LSAMP: variants seen among roughly 807,000 people sequenced by gnomAD.
LSAMP encodes the protein limbic system associated membrane protein, also known as limbic system-associated membrane protein.
In LSAMP, 7 loss-of-function variants were observed where a neutral mutation model predicts 38.6. That is an observed-to-expected ratio of 0.18 (90% CI 0.10 to 0.34). The LOEUF (loss-of-function observed/expected upper bound fraction) is 0.34, where lower values mean the gene tolerates loss of function less well. Ranked by LOEUF, LSAMP falls within the 10% of genes least tolerant of loss-of-function variation. The probability of loss-of-function intolerance (pLI) is 1.00; values close to 1 mark genes in which losing one functional copy is unlikely to be tolerated. For synonymous variants in LSAMP, 154 were observed against 166.8 expected, an observed-to-expected ratio of 0.92 and a Z score of 0.59; for missense variants, 313 against 420.0, an observed-to-expected ratio of 0.75 and a Z score of 2.23.
chr3:116,133,771 T>C (rs566416168), intron 1 of LSAMP, among the ~76,000 whole-genome samples: 2 of 152,338 alleles, frequency 1.3e-5, no homozygotes, highest in South Asian at 4.1e-4. Context: ...AATAGCATTT[T>C]TGAATGAACT....
chr3:116,113,289 CTT>C (rs71973941), intron 1 of LSAMP, among the ~76,000 whole-genome samples: 10,862 of 150,850 alleles, frequency 0.072, 1,251 homozygotes, highest in African/African-American at 0.25. Context: ...CATTCTCTCT[CTT>C]TATCCCAAGT....
At chr3:115,861,516 C>A (rs146775813) in intron 3 of LSAMP, among the ~76,000 whole-genome samples, 53 of 122,998 alleles carry the variant, frequency 4.3e-4, no homozygotes, top group African/African-American at 1.5e-3. Context: ...GGCACTGTCC[C>A]CCTGGCGGTA....
chr3:115,909,529 A>T (rs1023488719), intron 3 of LSAMP, among the ~76,000 whole-genome samples: 14 of 152,216 alleles, frequency 9.2e-5, no homozygotes, highest in African/African-American at 2.9e-4. Flanking sequence ...TGCTTCTTCC[A>T]ATCCCCGTCC....
intron 3 of LSAMP, among the ~76,000 whole-genome samples, chr3:115,929,259 C>T (rs9844674): frequency 0.055 from 8,333 of 151,770 alleles, 710 homozygotes; most frequent in African/African-American, 0.19. Context: ...AAAACAAAAC[C>T]CCACCTTAAT....
At chr3:116,095,771 T>A (rs966600117) in intron 1 of LSAMP, among the ~76,000 whole-genome samples, 2 of 152,208 alleles carry the variant, frequency 1.3e-5, no homozygotes, top group African/African-American at 4.8e-5. Context: ...TCCAAGAGTC[T>A]GGATCACGTC....
intron 1 of LSAMP, among the ~76,000 whole-genome samples, chr3:116,402,305 T>C (rs1001560124): frequency 1.3e-5 from 2 of 152,216 alleles, no homozygotes; most frequent in African/African-American, 2.4e-5. Flanking sequence ...TCACTTTTCA[T>C]TTAAGAAAGA....
intron 1 of LSAMP, among the ~76,000 whole-genome samples, chr3:116,180,303 C>A (rs1392152594): frequency 9.2e-5 from 14 of 151,448 alleles, no homozygotes; most frequent in Admixed American, 9.2e-4. Flanking sequence ...GAAAGACACA[C>A]AAAATACAAG....
At chr3:116,042,943 A>C (rs1308604819) in intron 2 of LSAMP, among the ~76,000 whole-genome samples, 1 of 152,152 alleles carries the variant, frequency 6.6e-6, no homozygotes, top group Non-Finnish European at 1.5e-5. Context: ...TTTATCGCTC[A>C]ATCTATCCCT....
chr3:115,931,091 A>C (rs1937573379), intron 3 of LSAMP, among the ~76,000 whole-genome samples: 1 of 152,140 alleles, frequency 6.6e-6, no homozygotes, highest in South Asian at 2.1e-4. Flanking sequence ...TATTCTAAAT[A>C]TATCACTGCC....
chr3:115,960,637 A>G (rs979117724), intron 3 of LSAMP, among the ~76,000 whole-genome samples: 3 of 152,098 alleles, frequency 2.0e-5, no homozygotes, highest in Non-Finnish European at 2.9e-5. Flanking sequence ...AGCAATTGTA[A>G]TGGCCTCTCT....
chr3:115,887,726 T>G (rs531432909), intron 3 of LSAMP, among the ~76,000 whole-genome samples: 1 of 151,826 alleles, frequency 6.6e-6, no homozygotes, highest in Non-Finnish European at 1.5e-5. Context: ...TGGGTATCTA[T>G]ATATATCCAC....
At chr3:116,385,102 G>GA (rs11450064) in intron 1 of LSAMP, among the ~76,000 whole-genome samples, 27,985 of 142,986 alleles carry the variant, frequency 0.2, 2,972 homozygotes, top group African/African-American at 0.3. Context: ...AAGAAGGAAT[G>GA]AAAAAAAAAA....
intron 3 of LSAMP, among the ~76,000 whole-genome samples, chr3:115,871,810 A>T (rs1006272686): frequency 6.6e-6 from 1 of 152,128 alleles, no homozygotes; most frequent in African/African-American, 2.4e-5. Flanking sequence ...ATACCATCTG[A>T]GTTATACAAG....
intron 3 of LSAMP, among the ~76,000 whole-genome samples, chr3:115,911,264 G>A (rs774520759): frequency 9.1e-4 from 139 of 152,286 alleles, no homozygotes; most frequent in Non-Finnish European, 1.5e-3. Flanking sequence ...TGGAATGGAT[G>A]TACCACAGTT....
intron 1 of LSAMP, among the ~76,000 whole-genome samples, chr3:116,406,431 A>G (rs534781637): frequency 6.6e-6 from 1 of 152,222 alleles, no homozygotes; most frequent in South Asian, 2.1e-4. Context: ...TTCAGGAGGC[A>G]TGATATAATT....
intron 1 of LSAMP, among the ~76,000 whole-genome samples, chr3:116,392,060 T>G (rs1487107089): frequency 6.6e-6 from 1 of 152,068 alleles, no homozygotes; most frequent in Non-Finnish European, 1.5e-5. Context: ...TGGAAAGAAA[T>G]TGCGGAGATA....
rs1444715612 is a variant in LSAMP, at chr3:115,806,219, A to C, written c.*4098T>G. On this transcript the variant is annotated 3_prime_UTR_variant, in exon 7 of 7. Transcript: ENST00000490035. ...TACGTGAGCATAGATTTTCTTTCTAAACAACCAAATTCAGTACTTTTCTTC... is the reference window on the plus strand; with the variant it reads ...TACGTGAGCATAGATTTTCTTTCTACACAACCAAATTCAGTACTTTTCTTC... 1 of 152,228 alleles carries C rather than the reference A, an allele frequency of 6.6e-6. No homozygotes were observed. The highest frequency in any genetic ancestry group is 1.5e-5 in the Non-Finnish European group (1 of 68,046). The allele number at this position is 152,228 out of a possible 1,614,324, so 9.4% of individuals were successfully genotyped here.
intron 1 of LSAMP, among the ~76,000 whole-genome samples, chr3:116,148,116 CTTT>C (rs59321353): frequency 7.0e-6 from 1 of 142,038 alleles, no homozygotes; most frequent in South Asian, 2.2e-4. Context: ...AAAACATGTG[CTTT>C]TTTTTTTTTT....
chr3:116,116,824 C>T (rs536612303), intron 1 of LSAMP, among the ~76,000 whole-genome samples: 15 of 152,166 alleles, frequency 9.9e-5, no homozygotes, highest in Admixed American at 3.3e-4. Flanking sequence ...ACGGTGAGGC[C>T]GCTGTACTAC....
Sources: gnomAD v4.1 joint callset for allele counts (sites outside exome capture counted in the v4.1 genomes callset) on GRCh38, gnomAD v4.1.1 for gene constraint, MANE v1.5 for transcripts, NCBI Gene and HGNC (gene_info 2026-07-23, HGNC 2026-07-21) for gene names.